The following AARS1 variants were observed in gnomAD, a reference collection of about 807,000 sequenced individuals.
The protein encoded by AARS1 is alanyl-tRNA synthetase 1.
In AARS1, 72 loss-of-function variants were observed where a neutral mutation model predicts 108.9. That is an observed-to-expected ratio of 0.66 (90% CI 0.55 to 0.80). The LOEUF (loss-of-function observed/expected upper bound fraction) is 0.80. AARS1 is among the 30% of genes least tolerant of loss of function. AARS1 has a pLI of 0.00. For synonymous variants in AARS1, 489 were observed against 465.7 expected, an observed-to-expected ratio of 1.05 and a Z score of -0.64; for missense variants, 1,193 against 1,233.2, an observed-to-expected ratio of 0.97 and a Z score of 0.49.
At chr16:70,255,444 C>T (rs111848470) in intron 16 of AARS1, among the ~76,000 whole-genome samples, 10 of 152,174 alleles carry the variant, frequency 6.6e-5, no homozygotes, top group South Asian at 6.2e-4. Flanking sequence ...GTGATCCACC[C>T]GCCTCGGCCT....
At chr16:70,272,925 A>ACACACACACACAC (rs1567608990) in intron 4 of AARS1, among the ~76,000 whole-genome samples, 2 of 71,092 alleles carry the variant, frequency 2.8e-5, no homozygotes, top group African/African-American at 1.9e-4. Flanking sequence ...CACACACACA[A>ACACACACACACAC]AAGATTGTGC....
At chr16:70,270,806 C>T (rs973706467) in intron 5 of AARS1, among the ~76,000 whole-genome samples, 13 of 135,906 alleles carry the variant, frequency 9.6e-5, no homozygotes, top group Non-Finnish European at 1.7e-4. Flanking sequence ...CATTGCACTA[C>T]AGCCTGGGCA....
At chr16:70,285,605 C>T (rs1438644488) in intron 1 of AARS1, among the ~76,000 whole-genome samples, 2 of 152,162 alleles carry the variant, frequency 1.3e-5, no homozygotes, top group Non-Finnish European at 2.9e-5. Context: ...AGTGCCACCA[C>T]ACCCAGCTAA....
intron 9 of AARS1, 41 bp from the exon 10 acceptor site, chr16:70,265,703 C>A (rs202172149): frequency 6.2e-7 from 1 of 1,610,320 alleles, no homozygotes; most frequent in Admixed American, 1.7e-5. Flanking sequence ...AAACAGACAG[C>A]CCCTTTTCCA....
chr16:70,286,507 T>C (rs1270175741), intron 1 of AARS1, among the ~76,000 whole-genome samples: 2 of 152,022 alleles, frequency 1.3e-5, no homozygotes, highest in East Asian at 1.9e-4. Context: ...ACTACAGGCA[T>C]GTGCCACCAA....
chr16:70,280,609 T>A (rs1960673633), intron 2 of AARS1, among the ~76,000 whole-genome samples: 1 of 152,136 alleles, frequency 6.6e-6, no homozygotes, highest in Non-Finnish European at 1.5e-5. Context: ...GGGCTGCAGA[T>A]GCCCCGGGGG....
intron 2 of AARS1, among the ~76,000 whole-genome samples, chr16:70,280,631 A>G (rs1431099686): frequency 6.6e-6 from 1 of 152,170 alleles, no homozygotes; most frequent in Non-Finnish European, 1.5e-5. Context: ...GCAGGGCTCC[A>G]AGAGAACCAT....
chr16:70,268,173 A>G lies in AARS1; in HGVS notation c.1071+98T>C, dbSNP rs908843242. ...ACAGAGTGAGACTCCGTCTCAAAAA[A>G]CAGCAACAAAAAGCTGCTTAACAGT... On this transcript the variant is annotated intron_variant, in intron 8 of 20. Coordinates refer to ENST00000261772, the MANE Select transcript of AARS1 (RefSeq NM_001605.3). 3 of 1,167,774 alleles carry G rather than the reference A, an allele frequency of 2.6e-6. No homozygotes were observed. The African/African-American group carries it at 4.6e-5, about 18-fold the overall frequency. The allele number at this position is 1,167,774 out of a possible 1,614,324, so 72.3% of individuals were successfully genotyped here.
At chr16:70,272,957 C>T (rs1960446021) in intron 4 of AARS1, among the ~76,000 whole-genome samples, 1 of 150,492 alleles carries the variant, frequency 6.6e-6, no homozygotes, top group African/African-American at 2.5e-5. Context: ...TTAAAAGCTA[C>T]ACTTTTAAAG....
At chr16:70,288,711 C>A (rs1385046078) in intron 1 of AARS1, among the ~76,000 whole-genome samples, 2 of 151,870 alleles carry the variant, frequency 1.3e-5, no homozygotes, top group Admixed American at 1.3e-4. Context: ...AGAGTACAGG[C>A]GCGCGCCGCC....
In AARS1 at chr16:70,254,739, G is replaced by C; in HGVS notation, c.2287-5C>G. On this transcript the variant is annotated splice_polypyrimidine_tract_variant and splice_region_variant and intron_variant, in intron 16 of 20. Coordinates refer to ENST00000261772, the MANE Select transcript of AARS1 (RefSeq NM_001605.3). ...GCTCTCTGCTTTCCTGAGGGCCTGGGAGGGGACACCGGGTCAACCCCAAGC... is the reference window on the plus strand; with the variant it reads ...GCTCTCTGCTTTCCTGAGGGCCTGGCAGGGGACACCGGGTCAACCCCAAGC... 1 of 1,599,288 alleles carries C rather than the reference G, an allele frequency of 6.3e-7. No homozygotes were observed. Among genetic ancestry groups the C allele is most frequent in the Non-Finnish European group, 8.6e-7 (1 of 1,166,764 alleles).
At chr16:70,257,561 T>C (rs1960021732) in intron 15 of AARS1, among the ~76,000 whole-genome samples, 1 of 152,164 alleles carries the variant, frequency 6.6e-6, no homozygotes, top group East Asian at 1.9e-4. Flanking sequence ...CAAGCCAAAC[T>C]GAGCTGAGTC....
At chr16:70,278,928 G>C (rs575481194) in intron 2 of AARS1, among the ~76,000 whole-genome samples, 6 of 152,298 alleles carry the variant, frequency 3.9e-5, no homozygotes, top group African/African-American at 1.4e-4. Flanking sequence ...CAACTGACTT[G>C]AGATCTCAGT....
At position 70,282,686 on chromosome 16, in the gene AARS1, A is replaced by G; in HGVS notation, c.78T>C (p.Val26=). 1 of 1,614,164 alleles carries G rather than the reference A, an allele frequency of 6.2e-7. No homozygotes were observed. Among genetic ancestry groups the G allele is most frequent in the Non-Finnish European group, 8.5e-7 (1 of 1,180,012 alleles). Residue 26 remains valine, a synonymous_variant, in exon 2 of 21, where the codon GTT becomes GTC. Transcript: ENST00000261772. ...CCAATGGGATGGTGGCAGACGAGTGAACATACGTATGCTCGTTCCTCTTGA... is the reference window on the plus strand; with the variant it reads ...CCAATGGGATGGTGGCAGACGAGTGGACATACGTATGCTCGTTCCTCTTGA... The part of the protein sequence containing the change: ...DFFKRNEHTY[V]HSSATIPLDD...
chr16:70,272,622 T>G (rs1050269555), intron 4 of AARS1, among the ~76,000 whole-genome samples: 28 of 143,504 alleles, frequency 2.0e-4, no homozygotes, highest in African/African-American at 6.7e-4. Context: ...TGCTCGAAAC[T>G]CAATGAAAAT....
intron 1 of AARS1, among the ~76,000 whole-genome samples, chr16:70,286,894 T>A (rs1015331579): frequency 6.6e-5 from 10 of 151,812 alleles, no homozygotes; most frequent in African/African-American, 2.4e-4. Flanking sequence ...GGCGGGTGGA[T>A]CACCTGAGGT....
At chr16:70,286,562 G>T (rs1480684888) in intron 1 of AARS1, among the ~76,000 whole-genome samples, 1 of 152,156 alleles carries the variant, frequency 6.6e-6, no homozygotes, top group Non-Finnish European at 1.5e-5. Context: ...TTGAGGCCGG[G>T]TAGGGTGGCT....
At chr16:70,262,281 CA>C in intron 12 of AARS1, 64 bp downstream of exon 12, 1 of 1,601,108 alleles carries the variant, frequency 6.2e-7, no homozygotes. Flanking sequence ...CACTGTGGGG[CA>C]AAAGCAGCTC....
rs771580598 is a variant in AARS1, at chr16:70,258,099, G to A, written c.2111C>T (p.Ser704Phe). 45 of 1,614,116 alleles carry A rather than the reference G, an allele frequency of 2.8e-5. 3 individuals are homozygous for A. The South Asian group carries it at 4.7e-4, about 17-fold the overall frequency. The stretch of plus-strand genomic sequence containing the variant: ...CCCAGAGGGGTCATCCAGCAACTCG[G>A]ACACCGGGACCCCAATGGAGACGAC... The part of the protein sequence containing the change: ...VRVVSIGVPV[S>F]ELLDDPSGPA... The change falls in exon 15 of 21, where the codon TCC becomes TTC. Residue 704 changes from serine to phenylalanine, a missense_variant. Physicochemically the swap from Ser to Phe is radical, Grantham distance 155. Coordinates refer to ENST00000261772, the MANE Select transcript of AARS1 (RefSeq NM_001605.3).
Sources: allele counts gnomAD v4.1 joint callset (sites outside exome capture counted in the v4.1 genomes callset), GRCh38; gene constraint gnomAD v4.1.1; transcripts MANE v1.5; gene names NCBI Gene and HGNC (gene_info 2026-07-23, HGNC 2026-07-21).